The following PIGN variants were observed in gnomAD, a reference collection of about 807,000 sequenced individuals.
The protein encoded by PIGN is GPI ethanolamine phosphate transferase 1.
In PIGN, 117 loss-of-function variants were observed where a neutral mutation model predicts 125.4. The ratio of observed to expected loss-of-function variants is 0.93; its 90% CI spans 0.80 to 1.09. PIGN has a LOEUF of 1.09. Among genes scored for constraint, PIGN ranks in the 50% least tolerant of loss-of-function variants. The pLI is 0.00. For missense variants in PIGN, 1,075 were observed against 1,094.9 expected (o/e 0.98, Z 0.26); for synonymous variants, 392 against 377.8 (o/e 1.04, Z -0.44).
At chr18:62,062,496 G>A (rs1333518490) in intron 30 of PIGN, among the ~76,000 whole-genome samples, 1 of 152,156 alleles carries the variant, frequency 6.6e-6, no homozygotes, top group Non-Finnish European at 1.5e-5. Flanking sequence ...TTAACTGGCT[G>A]TGCCTTTGTC....
chr18:62,088,124 A>AG (rs2146031944), intron 25 of PIGN, among the ~76,000 whole-genome samples: 1 of 152,346 alleles, frequency 6.6e-6, no homozygotes, highest in Admixed American at 6.5e-5. Context: ...ATATCAAAAC[A>AG]TCAAAATATA....
chr18:62,040,936 A>G (rs192751156), downstream of PIGN, among the ~76,000 whole-genome samples: 17 of 152,348 alleles, frequency 1.1e-4, no homozygotes, highest in Non-Finnish European at 2.9e-5. Flanking sequence ...GTTTGATGCA[A>G]TTGGTATTTG....
chr18:62,119,701 G>A (rs1268842904), intron 14 of PIGN, among the ~76,000 whole-genome samples: 7 of 151,950 alleles, frequency 4.6e-5, no homozygotes, highest in Non-Finnish European at 8.8e-5. Flanking sequence ...AAACTTAGCC[G>A]GGTGTGGTGA....
At chr18:62,070,141 T>C (rs2032758865) in intron 30 of PIGN, 2 of 346,180 alleles carry the variant, frequency 5.8e-6, no homozygotes. Context: ...TCAAAATGAC[T>C]ACAAGAGAAA....
At chr18:62,152,096 AG>A (rs1425072115) in intron 7 of PIGN, among the ~76,000 whole-genome samples, 6 of 152,152 alleles carry the variant, frequency 3.9e-5, no homozygotes, top group African/African-American at 1.4e-4. Flanking sequence ...CCAGAAAGGC[AG>A]GACAACTCAA....
chr18:62,030,834 C>A (rs747242717), intron 23 of PIGN, among the ~76,000 whole-genome samples: 1 of 152,110 alleles, frequency 6.6e-6, no homozygotes, highest in Non-Finnish European at 1.5e-5. Context: ...ATGACTCTTG[C>A]CGGGTACAGT....
chr18:62,132,826 G>C (rs930493870), intron 14 of PIGN, among the ~76,000 whole-genome samples: 3 of 151,936 alleles, frequency 2.0e-5, no homozygotes, highest in Non-Finnish European at 4.4e-5. Context: ...TTAGTTTTGT[G>C]AATGAAATGA....
Position 62,045,829 on chromosome 18 carries a change from C to T in PIGN, c.*27G>A. On this transcript the variant is annotated 3_prime_UTR_variant, in exon 31 of 31. Coordinates refer to ENST00000640252, the MANE Select transcript of PIGN (RefSeq NM_176787.5). ...TTAGCTTAAAAGGAGAATCAGGATC[C>T]AGATGCTGAATGGTGCTTCAGCAAC... The T allele has an allele frequency of 6.2e-7, 1 of 1,611,330 alleles. No homozygotes were observed.
intron 1 of PIGN, among the ~76,000 whole-genome samples, chr18:62,166,002 A>G (rs2037120775): frequency 6.6e-6 from 1 of 152,242 alleles, no homozygotes; most frequent in Admixed American, 6.5e-5. Flanking sequence ...TAGGGTCAGT[A>G]AAGGGTTTTC....
intron 30 of PIGN, among the ~76,000 whole-genome samples, chr18:62,048,099 G>C (rs1202276503): frequency 1.3e-5 from 2 of 152,040 alleles, no homozygotes; most frequent in African/African-American, 4.8e-5. Flanking sequence ...CAGAACTGAG[G>C]GGGCACAGGA....
intron 4 of PIGN, among the ~76,000 whole-genome samples, chr18:62,158,712 C>A (rs561433966): frequency 6.6e-6 from 1 of 152,310 alleles, no homozygotes; most frequent in East Asian, 1.9e-4. Context: ...CTACTGGTGT[C>A]AGTTCTTTTA....
chr18:62,181,049 C>G (rs986301688), intron 1 of PIGN, among the ~76,000 whole-genome samples: 1 of 152,074 alleles, frequency 6.6e-6, no homozygotes, highest in Admixed American at 6.5e-5. Flanking sequence ...AGGTAGACAT[C>G]AGCTTATGTT....
Position 62,154,569 on chromosome 18 carries a change from A to G in PIGN, c.525T>C (p.Asp175=), listed in dbSNP as rs2036652895. 3 of 1,559,982 alleles carry G rather than the reference A, an allele frequency of 1.9e-6. No individual in the cohort carries two copies. Among genetic ancestry groups the G allele is most frequent in the Non-Finnish European group, 2.7e-6 (3 of 1,131,738 alleles). The change falls in exon 7 of 31, where the codon GAT becomes GAC. Residue 175 remains aspartate (D), a synonymous_variant. Coordinates refer to ENST00000640252, the MANE Select transcript of PIGN (RefSeq NM_176787.5). The part of the protein sequence containing the change: ...DFGAQDATKL[D]TWVFDNVKDF... ...CCTTAACATTATCAAAAACCCACGT[A>G]TCCAGTTTTGTTGCATCTTGAGCAC... is the stretch of plus-strand genomic sequence containing the variant.
intron 14 of PIGN, among the ~76,000 whole-genome samples, chr18:62,127,113 T>C (rs1294866724): frequency 6.6e-6 from 1 of 152,190 alleles, no homozygotes; most frequent in Non-Finnish European, 1.5e-5. Context: ...CAATGTTTAC[T>C]AATTCTGTTA....
At chr18:62,040,442 A>G (rs559852222), downstream of PIGN, among the ~76,000 whole-genome samples, 1 of 152,286 alleles carries the variant, frequency 6.6e-6, no homozygotes, top group East Asian at 1.9e-4. Flanking sequence ...AAATGTTCCT[A>G]TATTGATATT....
intron 14 of PIGN, among the ~76,000 whole-genome samples, chr18:62,129,542 G>T (rs1315774354): frequency 6.6e-6 from 1 of 152,150 alleles, no homozygotes; most frequent in African/African-American, 2.4e-5. Context: ...TCCCTCATCT[G>T]TGGGTTTGGT....
At chr18:62,080,801 C>A (rs1196966265) in intron 28 of PIGN, among the ~76,000 whole-genome samples, 1 of 152,126 alleles carries the variant, frequency 6.6e-6, no homozygotes, top group Non-Finnish European at 1.5e-5. Flanking sequence ...ACATAAATCT[C>A]TATTTCTCTG....
chr18:62,175,641 C>A (rs145834990), intron 1 of PIGN, among the ~76,000 whole-genome samples: 312 of 152,216 alleles, frequency 2.0e-3, no homozygotes, highest in Middle Eastern at 0.017. Context: ...TGTAAGCCAC[C>A]ACACCCGGCC....
intron 1 of PIGN, among the ~76,000 whole-genome samples, chr18:62,171,824 C>T (rs1337506918): frequency 2.0e-5 from 3 of 152,094 alleles, no homozygotes; most frequent in Non-Finnish European, 4.4e-5. Flanking sequence ...GAATAAACCC[C>T]ACTTAGTCAT....
Sources: allele counts gnomAD v4.1 joint callset (sites outside exome capture counted in the v4.1 genomes callset), GRCh38; gene constraint gnomAD v4.1.1; transcripts MANE v1.5; gene names NCBI Gene and HGNC (gene_info 2026-07-23, HGNC 2026-07-21).